Variants in CATSPERE observed in about 807,000 individuals in gnomAD.
CATSPERE encodes the protein catsper channel auxiliary subunit epsilon.
A neutral mutation model predicts 114.1 loss-of-function variants in CATSPERE; 93 were observed. The ratio of observed to expected loss-of-function variants is 0.81; its 90% confidence interval spans 0.69 to 0.97. The LOEUF is 0.97. Ranked by LOEUF, CATSPERE falls within the 50% of genes least tolerant of loss-of-function variation. The pLI, the probability that CATSPERE is intolerant of heterozygous loss-of-function variation, is 0.00. For synonymous variants in CATSPERE, 341 were observed against 384.1 expected (o/e 0.89, Z 1.31); for missense variants, 1,058 against 1,131.6 (o/e 0.93, Z 0.93).
chr1:244,625,566 C>G (rs1313990985), intron 20 of CATSPERE, among the ~76,000 whole-genome samples: 1 of 148,516 alleles, frequency 6.7e-6, no homozygotes. Context: ...GTAGCTGGAA[C>G]TACAGGCATG....
chr1:244,456,407 T>C (rs1666169653), upstream of CATSPERE, among the ~76,000 whole-genome samples: 1 of 152,086 alleles, frequency 6.6e-6, no homozygotes, highest in South Asian at 2.1e-4. Flanking sequence ...TGCTGAATCT[T>C]CTCTCTGGTG....
chr1:244,568,911 C>T lies in CATSPERE; in HGVS notation c.1508-3419C>T, dbSNP rs1664017266. The stretch of plus-strand genomic sequence containing the variant: ...GTATGAAAAAAAACAAAAACAAAAA[C>T]AAAGACAAAAAACTCCTGCAGCTAG... On this transcript the variant is annotated intron_variant, in intron 10 of 21. Transcript: ENST00000366534. The surrounding 1 kb of genome is among the most constrained non-coding windows in gnomAD (Gnocchi z 4.4). Among the ~76,000 whole-genome samples the T allele has an allele frequency of 3.3e-5, 5 of 152,142 alleles. No homozygotes were observed. In the South Asian group the frequency reaches 1.0e-3, roughly 32 times the overall value.
chr1:244,623,581 T>G (rs1408249675), intron 20 of CATSPERE, among the ~76,000 whole-genome samples: 2 of 152,174 alleles, frequency 1.3e-5, no homozygotes, highest in Non-Finnish European at 2.9e-5. Context: ...CAGATGGCTG[T>G]CTGATGCCTC....
intron 11 of CATSPERE, among the ~76,000 whole-genome samples, chr1:244,578,823 C>CATACATAT (rs377568823): frequency 6.0e-5 from 8 of 133,018 alleles, no homozygotes; most frequent in Non-Finnish European, 9.4e-5. Flanking sequence ...GGTGCATATA[C>CATACATAT]ATATATATAT....
intron 20 of CATSPERE, among the ~76,000 whole-genome samples, chr1:244,629,591 C>G (rs1037410837): frequency 3.5e-5 from 5 of 144,256 alleles, no homozygotes; most frequent in African/African-American, 1.3e-4. Flanking sequence ...AATCAATCCT[C>G]CCAAAGTGCT....
chr1:244,498,289 A>C (rs986891790), intron 6 of CATSPERE, among the ~76,000 whole-genome samples: 1 of 152,226 alleles, frequency 6.6e-6, no homozygotes, highest in Non-Finnish European at 1.5e-5. Context: ...AAAAGGGATG[A>C]AAATAATATA....
chr1:244,608,176 G>T (rs926808603), intron 18 of CATSPERE, among the ~76,000 whole-genome samples: 2 of 152,054 alleles, frequency 1.3e-5, no homozygotes, highest in African/African-American at 4.8e-5. Context: ...GAGAGTTGGG[G>T]TGTATTATTG....
chr1:244,477,990 T>C lies in CATSPERE; in HGVS notation c.258+15T>C, dbSNP rs1368364376. On this transcript the variant is annotated intron_variant, in intron 4 of 21. Coordinates refer to ENST00000366534, the MANE Select transcript of CATSPERE (RefSeq NM_001130957.2). ...TTACTGGCCCAGTAAGTTGTTTTAATGATATGTTATTAAATCTTGAATAAT... is the reference window on the plus strand; with the variant it reads ...TTACTGGCCCAGTAAGTTGTTTTAACGATATGTTATTAAATCTTGAATAAT... The C allele has an allele frequency of 1.3e-6, 2 of 1,544,492 alleles. No homozygotes were observed. The highest frequency in any genetic ancestry group is 1.8e-6 in the Non-Finnish European group (2 of 1,120,418).
chr1:244,507,219 G>T (rs980655772), intron 7 of CATSPERE, among the ~76,000 whole-genome samples: 1 of 152,064 alleles, frequency 6.6e-6, no homozygotes, highest in Non-Finnish European at 1.5e-5. Flanking sequence ...ATAAACATGG[G>T]GGTTCAGGTA....
At position 244,461,579 on chromosome 1, in the gene CATSPERE, T is replaced by C. The variant is rs942528788; in HGVS notation, c.65+85T>C. The stretch of plus-strand genomic sequence containing the variant: ...CGGGAGGGTCCTGCTCTCCACCCCA[T>C]GCGCCTCGGGACCGCTCGCCCTGGC... On this transcript the variant is annotated intron_variant, in intron 1 of 21. Coordinates refer to ENST00000366534, the MANE Select transcript of CATSPERE (RefSeq NM_001130957.2). The C allele has an allele frequency of 8.6e-6, 10 of 1,156,676 alleles. No individual in the cohort carries two copies. The African/African-American group carries it at 1.1e-4, about 13-fold the overall frequency. 71.7% of individuals were successfully genotyped at this position (1,156,676 alleles called of 1,614,324 possible).
At chr1:244,609,723 A>T (rs1014899716) in intron 18 of CATSPERE, among the ~76,000 whole-genome samples, 4 of 152,232 alleles carry the variant, frequency 2.6e-5, no homozygotes, top group Non-Finnish European at 5.9e-5. Context: ...ACAACTGTTC[A>T]TGTGAAACAA....
At chr1:244,637,673 C>A (rs1404338679) in intron 21 of CATSPERE, among the ~76,000 whole-genome samples, 4 of 152,134 alleles carry the variant, frequency 2.6e-5, no homozygotes, top group African/African-American at 9.7e-5. Context: ...CCAGTACACC[C>A]TCACCCCTCT....
chr1:244,563,780 T>C (rs1662970904), intron 10 of CATSPERE, among the ~76,000 whole-genome samples: 1 of 152,240 alleles, frequency 6.6e-6, no homozygotes, highest in African/African-American at 2.4e-5. Flanking sequence ...CATTTGTCGA[T>C]TTTGGCTATT....
rs146969652 is a variant in CATSPERE at position 244,606,736 on chromosome 1, G to A, written c.2403+942G>A. On this transcript the variant is annotated intron_variant, in intron 18 of 21. Transcript: ENST00000366534. ...CCTGCCTCAGCCTCCTGAGTAGCTG[G>A]GACTACAGGCACATGCCACTACACC... Among the ~76,000 whole-genome samples the A allele has an allele frequency of 2.5e-3, 384 of 151,666 alleles. 3 individuals carry two copies. The highest frequency in any genetic ancestry group is 8.8e-3 in the African/African-American group (363 of 41,340).
chr1:244,496,264 A>G (rs1572404046), intron 6 of CATSPERE, among the ~76,000 whole-genome samples: 1 of 152,230 alleles, frequency 6.6e-6, no homozygotes, highest in East Asian at 1.9e-4. Context: ...CCTTTAAAGA[A>G]TCAAAGAGCT....
Position 244,610,247 on chromosome 1 carries a change from G to C in CATSPERE, c.2411G>C (p.Cys804Ser). 6.2e-7 allele frequency: 1 copy of C among 1,605,838 alleles called. No homozygotes were observed. The highest frequency in any genetic ancestry group is 8.5e-7 in the Non-Finnish European group (1 of 1,175,612). The change falls in exon 19 of 22, where the codon TGT becomes TCT. Residue 804 changes from cysteine to serine, a missense_variant. Around this residue, in one of 2 missense-constraint regions of CATSPERE, gnomAD observed 787 missense variants for 905.6 expected, o/e 0.87. Transcript: ENST00000366534. Reference sequence around the variant, plus strand: ...TGTGCCATCTTTTGACAGAGTGGTTGTTTACATGAAGCACAGACATGGAAG... The same window carrying C: ...TGTGCCATCTTTTGACAGAGTGGTTCTTTACATGAAGCACAGACATGGAAG... ...SFNNTMAQSG[C>S]LHEAQTWKSM...
chr1:244,473,220 T>C lies in CATSPERE; in HGVS notation c.115-4321T>C, dbSNP rs1327794812. ...AAGATGGCTGTACCGTTCTACATTGTCACCAGCAATGAATGACAGTGCTGT... is the reference window on the plus strand; with the variant it reads ...AAGATGGCTGTACCGTTCTACATTGCCACCAGCAATGAATGACAGTGCTGT... On this transcript the variant is annotated intron_variant, in intron 2 of 21. Transcript: ENST00000366534. 2.0e-5 allele frequency among the ~76,000 whole-genome samples: 3 copies of C among 152,208 alleles called. 1 individual carries two copies. Among genetic ancestry groups the C allele is most frequent in the Admixed American group, 2.0e-4 (3 of 15,272 alleles).
rs10695652 is a variant in CATSPERE, at chr1:244,578,823, C to CATATATATATATATAT, written c.1951-2967_1951-2952dup. On this transcript the variant is annotated intron_variant, in intron 11 of 21. Coordinates refer to ENST00000366534, the MANE Select transcript of CATSPERE (RefSeq NM_001130957.2). Reference sequence around the variant, plus strand: ...CAGGTTATATATATAGGTGCATATACATATATATATATATATATATACACA... The same window carrying CATATATATATATATAT: ...CAGGTTATATATATAGGTGCATATACATATATATATATATATATATATATATATATATATATACACA... 6.8e-3 allele frequency among the ~76,000 whole-genome samples: 906 copies of CATATATATATATATAT among 132,886 alleles called. 7 individuals carry two copies. The highest frequency in any genetic ancestry group is 0.021 in the African/African-American group (734 of 35,696). 87.2% of individuals were successfully genotyped at this position (132,886 alleles called of 152,430 possible). A position where few individuals can be genotyped will look rare whatever the true frequency, so the allele number is the denominator to read the frequency against.
chr1:244,550,795 C>T (rs1173064618), intron 8 of CATSPERE, among the ~76,000 whole-genome samples: 1 of 152,142 alleles, frequency 6.6e-6, no homozygotes, highest in African/African-American at 2.4e-5. Flanking sequence ...ATCACCAACC[C>T]AAGTATGTAT....
Sources: gnomAD v4.1 joint callset for allele counts (sites outside exome capture counted in the v4.1 genomes callset) on GRCh38, gnomAD v4.1.1 for gene constraint, gnomAD v4.1.1 regional missense constraint, Gnocchi (gnomAD v3.1) non-coding constraint, MANE v1.5 for transcripts, NCBI Gene and HGNC (gene_info 2026-07-23, HGNC 2026-07-21) for gene names.